The following TPST1 variants were observed in gnomAD, a reference collection of about 807,000 sequenced individuals.
TPST1 encodes the protein tyrosylprotein sulfotransferase 1, also known as protein-tyrosine sulfotransferase 1.
In TPST1, 20 loss-of-function variants were observed where a neutral mutation model predicts 34.8. The observed-to-expected ratio is 0.57, with a 90% CI of 0.40 to 0.84. The LOEUF (loss-of-function observed/expected upper bound fraction) is 0.84. TPST1 is among the 40% of genes least tolerant of loss of function. The pLI is 0.00. For synonymous variants in TPST1, 152 were observed against 159.4 expected (o/e 0.95, Z 0.35); for missense variants, 353 against 455.5 (o/e 0.78, Z 2.05).
chr7:66,209,568 C>T (rs1016460365), intron 1 of TPST1, among the ~76,000 whole-genome samples: 1 of 152,162 alleles, frequency 6.6e-6, no homozygotes, highest in African/African-American at 2.4e-5. Flanking sequence ...GCCTAAATGG[C>T]TTTATGTTTC....
At position 66,273,506 on chromosome 7, in the gene TPST1, C is replaced by A. The variant is rs191426161; in HGVS notation, c.846-13005C>A. ...GAAAAGAACAAAGCTGGATGCATCA[C>A]AGTATTTGACTTCAAAATATACTGT... On this transcript the variant is annotated intron_variant, in intron 2 of 5. Transcript: ENST00000304842. 1.5e-3 allele frequency among the ~76,000 whole-genome samples: 231 copies of A among 152,260 alleles called. 1 individual carries two copies. Among genetic ancestry groups the A allele is most frequent in the Non-Finnish European group, 2.5e-3 (169 of 68,018 alleles).
chr7:66,284,867 T>G (rs1192994351), intron 2 of TPST1, among the ~76,000 whole-genome samples: 2 of 152,140 alleles, frequency 1.3e-5, no homozygotes, highest in African/African-American at 4.8e-5. Context: ...TCATCTCTAT[T>G]TCTAATTCAT....
chr7:66,246,536 G>C (rs1435727988), intron 2 of TPST1, among the ~76,000 whole-genome samples: 9 of 152,166 alleles, frequency 5.9e-5, no homozygotes, highest in African/African-American at 2.2e-4. Flanking sequence ...GGCAACATTT[G>C]TACTTTTCTT....
intron 3 of TPST1, among the ~76,000 whole-genome samples, chr7:66,336,810 G>C (rs996349114): frequency 6.6e-6 from 1 of 152,074 alleles, no homozygotes; most frequent in African/African-American, 2.4e-5. Flanking sequence ...TAACAATCTG[G>C]TTAACAAAAA....
At chr7:66,345,634 G>C (rs182373895) in intron 3 of TPST1, among the ~76,000 whole-genome samples, 1 of 151,896 alleles carries the variant, frequency 6.6e-6, no homozygotes, top group Non-Finnish European at 1.5e-5. Context: ...AGAGTGGAGT[G>C]AAATATCTCT....
At chr7:66,353,803 G>A (rs150452837) in intron 4 of TPST1, among the ~76,000 whole-genome samples, 234 of 152,336 alleles carry the variant, frequency 1.5e-3, no homozygotes, top group African/African-American at 5.4e-3. Context: ...CCAGATAGAG[G>A]TTGGTGAAGC....
At chr7:66,280,048 C>G (rs1053241360) in intron 2 of TPST1, among the ~76,000 whole-genome samples, 8 of 152,220 alleles carry the variant, frequency 5.3e-5, no homozygotes, top group African/African-American at 1.9e-4. Context: ...GACCTGCCTC[C>G]CTCCTGGGGG....
chr7:66,347,439 T>C (rs1465666972), intron 3 of TPST1, among the ~76,000 whole-genome samples: 1 of 152,186 alleles, frequency 6.6e-6, no homozygotes, highest in African/African-American at 2.4e-5. Context: ...AGACTGTTCT[T>C]TCCCCAATGT....
chr7:66,253,612 C>G (rs1339714094), intron 2 of TPST1, among the ~76,000 whole-genome samples: 1 of 151,634 alleles, frequency 6.6e-6, no homozygotes, highest in Non-Finnish European at 1.5e-5. Flanking sequence ...ACCTTGTGAT[C>G]CGCCCACCCT....
intron 3 of TPST1, among the ~76,000 whole-genome samples, chr7:66,294,259 C>T (rs1312348579): frequency 2.0e-5 from 3 of 152,118 alleles, no homozygotes; most frequent in African/African-American, 7.2e-5. Context: ...ATAAGACAAC[C>T]ATGCTAGCAT....
At chr7:66,280,948 G>A (rs1790920830) in intron 2 of TPST1, among the ~76,000 whole-genome samples, 1 of 152,112 alleles carries the variant, frequency 6.6e-6, no homozygotes, top group South Asian at 2.1e-4. Flanking sequence ...GCATGTTCTG[G>A]ATGTTGGCTG....
intron 2 of TPST1, among the ~76,000 whole-genome samples, chr7:66,278,100 CAAA>C (rs35654351): frequency 1.4e-4 from 7 of 50,258 alleles, no homozygotes; most frequent in African/African-American, 3.7e-4. Flanking sequence ...GACTCCATCT[CAAA>C]AAAAAAAAAA....
At chr7:66,201,474 T>G (rs577633818), upstream of TPST1, among the ~76,000 whole-genome samples, 15 of 151,550 alleles carry the variant, frequency 9.9e-5, no homozygotes, top group African/African-American at 3.4e-4. Flanking sequence ...GCAGATCACA[T>G]GAGGCCAGGA....
intron 1 of TPST1, among the ~76,000 whole-genome samples, chr7:66,218,608 G>A (rs1190091460): frequency 6.6e-6 from 1 of 152,182 alleles, no homozygotes; most frequent in Non-Finnish European, 1.5e-5. Context: ...CACTTTGGGA[G>A]GCTGAGGCGG....
chr7:66,301,557 A>G lies in TPST1; in HGVS notation c.1044+14848A>G, dbSNP rs1791317117. The stretch of plus-strand genomic sequence containing the variant: ...TAGCTTCTGACTTAAAGTGAGAGAT[A>G]TGCGACTATTCCTTTCATTTGGACA... On this transcript the variant is annotated intron_variant, in intron 3 of 5. Transcript: ENST00000304842. 2.6e-5 allele frequency among the ~76,000 whole-genome samples: 4 copies of G among 152,336 alleles called. No individual in the cohort carries two copies. The South Asian group carries it at 8.3e-4, about 32-fold the overall frequency.
intron 3 of TPST1, among the ~76,000 whole-genome samples, chr7:66,301,574 A>C (rs10250544): frequency 2.0e-5 from 3 of 151,988 alleles, no homozygotes; most frequent in Non-Finnish European, 2.9e-5. Flanking sequence ...TATTCCTTTC[A>C]TTTGGACACT....
chr7:66,308,342 C>T (rs1791463650), intron 3 of TPST1, among the ~76,000 whole-genome samples: 1 of 152,196 alleles, frequency 6.6e-6, no homozygotes, highest in African/African-American at 2.4e-5. Flanking sequence ...AAGTATCATC[C>T]TGTATCTTAA....
intron 2 of TPST1, among the ~76,000 whole-genome samples, chr7:66,282,342 T>C (rs1790948208): frequency 6.6e-6 from 1 of 152,220 alleles, no homozygotes; most frequent in African/African-American, 2.4e-5. Context: ...GCCATATGAT[T>C]TCTGTTGTAA....
chr7:66,215,373 T>A lies in TPST1; in HGVS notation c.-102+9851T>A, dbSNP rs140109269. On this transcript the variant is annotated intron_variant, in intron 1 of 5. Transcript: ENST00000304842. ...ATACCTGACCCTAATATTATATATA[T>A]GTATATATATATATTTTTTGAGATG... 8.0e-5 allele frequency among the ~76,000 whole-genome samples: 12 copies of A among 149,870 alleles called. No individual in the cohort carries two copies. In the East Asian group the frequency reaches 2.2e-3, roughly 27 times the overall value.
Sources: allele counts gnomAD v4.1 joint callset (sites outside exome capture counted in the v4.1 genomes callset), GRCh38; gene constraint gnomAD v4.1.1; transcripts MANE v1.5; gene names NCBI Gene and HGNC (gene_info 2026-07-23, HGNC 2026-07-21).